The following CANX variants were observed in gnomAD, a reference collection of about 807,000 sequenced individuals.
The protein encoded by CANX is epididymis secretory sperm binding protein.
Under a neutral mutation model 75.7 loss-of-function variants are expected in CANX, and 14 were observed. The ratio of observed to expected loss-of-function variants is 0.19; its 90% CI spans 0.12 to 0.29. The LOEUF (loss-of-function observed/expected upper bound fraction) is 0.29. CANX is among the 10% of genes least tolerant of loss of function. The probability of loss-of-function intolerance (pLI) is 1.00; values close to 1 mark genes in which losing one functional copy is unlikely to be tolerated. For missense variants in CANX, 567 were observed against 713.2 expected, an observed-to-expected ratio of 0.79 and a Z score of 2.34; for synonymous variants, 227 against 236.9, an observed-to-expected ratio of 0.96 and a Z score of 0.38.
chr5:179,700,340 G>A (rs544964170), intron 1 of CANX: 1 of 152,266 alleles, frequency 6.6e-6, no homozygotes, highest in South Asian at 2.1e-4. Flanking sequence ...ATTTTTTTAA[G>A]GGGGAAGAAT....
At chr5:179,717,052 G>A (rs1778004334) in intron 8 of CANX, among the ~76,000 whole-genome samples, 1 of 152,140 alleles carries the variant, frequency 6.6e-6, no homozygotes, top group African/African-American at 2.4e-5. Context: ...GAAGATAGCT[G>A]GGGCTGTATT....
chr5:179,688,657 C>A (rs1435118320), intron 1 of CANX, among the ~76,000 whole-genome samples: 2 of 151,178 alleles, frequency 1.3e-5, no homozygotes, highest in Admixed American at 1.3e-4. Flanking sequence ...GCCACTGCGC[C>A]CGGCCGCCTA....
rs201285672 is a variant in CANX, at chr5:179,686,070, G to A, written c.-4+7293G>A. ...TAAGCATCTTTCCATGTGGGTATTT[G>A]TTATCTATTTTGATGAAGTGGTTGT... On this transcript the variant is annotated intron_variant, in intron 1 of 14. Transcript: ENST00000681674. Among the ~76,000 whole-genome samples the A allele has an allele frequency of 3.3e-4, 47 of 141,068 alleles. 1 individual carries two copies. The East Asian group carries it at 9.1e-3, about 27-fold the overall frequency. 92.5% of individuals were successfully genotyped at this position (141,068 alleles called of 152,430 possible).
chr5:179,688,565 G>A (rs56159807), intron 1 of CANX, among the ~76,000 whole-genome samples: 48,837 of 148,292 alleles, frequency 0.33, 8,592 homozygotes, highest in South Asian at 0.54. Flanking sequence ...GGGTCTCACC[G>A]TGTTAGCCAG....
intron 1 of CANX, among the ~76,000 whole-genome samples, chr5:179,685,698 G>A (rs536878616): frequency 2.0e-5 from 3 of 150,772 alleles, no homozygotes; most frequent in East Asian, 3.9e-4. Flanking sequence ...GGGATTACAG[G>A]CAGCTGCCAC....
At position 179,705,773 on chromosome 5, in the gene CANX, T is replaced by A; in HGVS notation, c.92T>A (p.Ile31Asn). 6.2e-7 allele frequency: 1 copy of A among 1,611,162 alleles called. No individual in the cohort carries two copies. The highest frequency in any genetic ancestry group is 8.5e-7 in the Non-Finnish European group (1 of 1,177,312). The change falls in exon 2 of 15, where the codon ATT becomes AAT. Residue 31 changes from isoleucine (I) to asparagine (N), a missense_variant. Around this residue, in one of 3 missense-constraint regions of CANX, gnomAD observed 351 missense variants for 433.8 expected, o/e 0.81. Coordinates refer to ENST00000247461, the MANE Select transcript of CANX (RefSeq NM_001746.4). ...GGACATGATGATGATGTGATTGATA[T>A]TGAGGATGACCTTGACGATGTCATT... ...HDGHDDDVID[I>N]EDDLDDVIEE...
upstream of CANX, among the ~76,000 whole-genome samples, chr5:179,697,519 T>C (rs945248580): frequency 1.5e-4 from 23 of 152,192 alleles, no homozygotes; most frequent in African/African-American, 5.5e-4. Flanking sequence ...CATTTTAAGC[T>C]CATTATTTGG....
rs534945858 is a variant in CANX, at chr5:179,684,555, T to C, written c.-4+5778T>C. Among the ~76,000 whole-genome samples the C allele has an allele frequency of 5.3e-5, 8 of 151,672 alleles. No individual in the cohort carries two copies. The South Asian group carries it at 1.7e-3, about 32-fold the overall frequency. ...CGGGGTTTCACTGTGTTAGCCAGGA[T>C]GGTCTTGATCTCCTGACCCCATGAT... is the stretch of plus-strand genomic sequence containing the variant. On this transcript the variant is annotated intron_variant, in intron 1 of 14. Coordinates refer to the CANX transcript ENST00000681674.
Position 179,728,993 on chromosome 5 carries a change from T to C in CANX, c.*349T>C, listed in dbSNP as rs1778840003. On this transcript the variant is annotated 3_prime_UTR_variant, in exon 15 of 15. Transcript: ENST00000247461. Reference sequence around the variant, plus strand: ...ATCTTGGCTTAATTTAATGTATTAATCTGTTTGTGCAAACATAATACCACC... The same window carrying C: ...ATCTTGGCTTAATTTAATGTATTAACCTGTTTGTGCAAACATAATACCACC... 3.0e-6 allele frequency: 1 copy of C among 333,698 alleles called. No homozygotes were observed. The allele number at this position is 333,698 out of a possible 1,614,324, so 20.7% of individuals were successfully genotyped here.
intron 8 of CANX, among the ~76,000 whole-genome samples, chr5:179,716,969 A>T (rs1581881040): frequency 6.6e-6 from 1 of 152,314 alleles, no homozygotes; most frequent in South Asian, 2.1e-4. Flanking sequence ...GAGGAGCAGC[A>T]ATGAGCTTGA....
rs376343417 is a variant in CANX at position 179,706,269 on chromosome 5, A to T, written c.183A>T (p.Lys61Asn). Residue 61 changes from lysine to asparagine, a missense_variant, in exon 3 of 15, where the codon AAA (lysine) becomes AAT (asparagine). By Grantham distance (94) the Lys-to-Asn change is moderately conservative. Transcript: ENST00000247461. ...TGTATTTAACACAGGTTACTTACAA[A>T]GCTCCAGTTCCAACAGGGGAAGTAT... ...APPSSPKVTY[K>N]APVPTGEVYF... is the part of the protein sequence containing the mutation. 4.4e-6 allele frequency: 7 copies of T among 1,580,896 alleles called. No individual in the cohort carries two copies. The African/African-American group carries it at 8.1e-5, about 18-fold the overall frequency.
At chr5:179,699,253 A>G (rs1352739903) in intron 1 of CANX, among the ~76,000 whole-genome samples, 151 bp downstream of exon 1, 1 of 151,984 alleles carries the variant, frequency 6.6e-6, no homozygotes, top group Non-Finnish European at 1.5e-5. Context: ...GCCCGCCGTG[A>G]GCGAGGAGGC....
intron 1 of CANX, among the ~76,000 whole-genome samples, chr5:179,681,335 C>G (rs1384817393): frequency 6.6e-6 from 1 of 152,156 alleles, no homozygotes; most frequent in East Asian, 1.9e-4. Flanking sequence ...GATAGTCTCT[C>G]AGGAAGCTAA....
upstream of CANX, chr5:179,694,456 C>T (rs781636522): frequency 5.7e-5 from 40 of 698,772 alleles, no homozygotes; most frequent in Non-Finnish European, 9.1e-5. Context: ...GATCCTAGTG[C>T]CCCCAAAAGG....
chr5:179,700,610 C>T (rs1776671874), intron 1 of CANX: 1 of 153,072 alleles, frequency 6.5e-6, no homozygotes, highest in South Asian at 2.1e-4. Context: ...TCTGACTTAT[C>T]TGCAAATGGC....
chr5:179,708,889 G>A lies in CANX; in HGVS notation c.447-89G>A, dbSNP rs555589174. Reference sequence around the variant, plus strand: ...AAACATTTGACCTATGATAAAACGTGACTAAGATGAGGGAGAGAGGAAATA... The same window carrying A: ...AAACATTTGACCTATGATAAAACGTAACTAAGATGAGGGAGAGAGGAAATA... On this transcript the variant is annotated intron_variant, in intron 5 of 14. Transcript: ENST00000247461. The A allele has an allele frequency of 1.1e-5, 8 of 698,486 alleles. No individual in the cohort carries two copies. The African/African-American group carries it at 1.2e-4, about 11-fold the overall frequency. 43.3% of individuals were successfully genotyped at this position (698,486 alleles called of 1,614,324 possible).
At chr5:179,699,144 C>T (rs924824090) in intron 1 of CANX, 42 bp downstream of exon 1, 2 of 988,896 alleles carry the variant, frequency 2.0e-6, no homozygotes, top group Non-Finnish European at 1.2e-6. Flanking sequence ...CCTGTGAGGA[C>T]CTCGGGGGGC....
chr5:179,678,878 A>G (rs1247099182), intron 1 of CANX: 15 of 1,536,052 alleles, frequency 9.8e-6, no homozygotes, highest in Admixed American at 2.0e-5. Context: ...CGTCCTCGCC[A>G]GCTGGCTCTC....
chr5:179,717,632 G>T (rs541290155), intron 8 of CANX, among the ~76,000 whole-genome samples: 1 of 151,812 alleles, frequency 6.6e-6, no homozygotes, highest in Non-Finnish European at 1.5e-5. Flanking sequence ...CATTTAGGTT[G>T]TTTGCTCCTT....
Sources: gnomAD v4.1 joint callset for allele counts (sites outside exome capture counted in the v4.1 genomes callset) on GRCh38, gnomAD v4.1.1 for gene constraint, gnomAD v4.1.1 regional missense constraint, MANE v1.5 for transcripts, NCBI Gene and HGNC (gene_info 2026-07-23, HGNC 2026-07-21) for gene names.